Variants in RSPH14 observed in about 807,000 individuals in gnomAD.
The protein encoded by RSPH14 is rhabdoid tumor deletion region gene 1.
A neutral mutation model predicts 26.7 loss-of-function variants in RSPH14; 20 were observed. That is an observed-to-expected ratio of 0.75 (90% CI 0.53 to 1.09). The LOEUF is 1.09. Ranked by LOEUF, RSPH14 falls within the 50% of genes least tolerant of loss-of-function variation. RSPH14 has a pLI of 0.00. For synonymous variants in RSPH14, 177 were observed against 189.3 expected (o/e 0.93, Z 0.53); for missense variants, 449 against 457.2 (o/e 0.98, Z 0.16).
In RSPH14 at chr22:23,079,377, G is replaced by C. The variant is rs541337941; in HGVS notation, c.422-15244C>G. ...TTCTGGACAAAGAGTTTTCCAGGAG[G>C]AAGGAACAGCCAGTGCACAGGCCCT... is the stretch of plus-strand genomic sequence containing the variant. On this transcript the variant is annotated intron_variant, in intron 4 of 6. Coordinates refer to ENST00000216036, the MANE Select transcript of RSPH14 (RefSeq NM_014433.3). 2.8e-4 allele frequency among the ~76,000 whole-genome samples: 43 copies of C among 152,336 alleles called. 1 individual carries two copies. In the South Asian group the frequency reaches 8.5e-3, roughly 30 times the overall value.
chr22:23,169,397 G>A, the RSPH14 span, among the ~76,000 whole-genome samples: 1 of 152,236 alleles, frequency 6.6e-6, no homozygotes, highest in African/African-American at 2.4e-5. Flanking sequence ...GCCCTCCTCT[G>A]GCCTCCAGCC....
intron 4 of RSPH14, chr22:23,123,763 C>CACCGAGATCTA: frequency 1.9e-5 from 6 of 319,336 alleles, no homozygotes; most frequent in Admixed American, 4.4e-5. Flanking sequence ...TGAGTTGGCC[C>CACCGAGATCTA]CACTCCACTT....
chr22:23,159,443 T>C, the RSPH14 span, among the ~76,000 whole-genome samples: 1 of 152,216 alleles, frequency 6.6e-6, no homozygotes, highest in African/African-American at 2.4e-5. Flanking sequence ...AGGAGCTGCG[T>C]CATCTCTAGA....
the RSPH14 span, among the ~76,000 whole-genome samples, chr22:23,176,133 G>A: frequency 6.6e-6 from 1 of 152,236 alleles, no homozygotes; most frequent in African/African-American, 2.4e-5. Flanking sequence ...CCCTCTGCCT[G>A]ATGCCTGCTC....
the RSPH14 span, chr22:23,152,329 AG>A: frequency 1.2e-6 from 1 of 851,112 alleles, no homozygotes; most frequent in Non-Finnish European, 2.0e-6. Flanking sequence ...GTGTCTCAGC[AG>A]GGTGGCCCAT....
chr22:23,098,339 C>G (rs8139779), intron 4 of RSPH14, among the ~76,000 whole-genome samples: 37,223 of 152,258 alleles, frequency 0.24, 4,800 homozygotes, highest in East Asian at 0.35. Flanking sequence ...AGCCCGGCAC[C>G]TGCTTACTCC....
intron 4 of RSPH14, among the ~76,000 whole-genome samples, chr22:23,102,081 G>A (rs1181539328): frequency 6.6e-6 from 1 of 152,222 alleles, no homozygotes; most frequent in Non-Finnish European, 1.5e-5. Context: ...ACCAACACTT[G>A]TGAACAGCCC....
rs758539276 is a variant in RSPH14, at chr22:23,064,092, C to A, written c.463G>T (p.Val155Leu). ...IISKGLISSLVWKLQVEVEEE... is the reference protein window; with the variant it reads ...IISKGLISSLLWKLQVEVEEE... ...TCCACCTCCACCTGCAGCTTCCATA[C>A]CAGTGAGGAAATCAGACCTTTGCTG... The change falls in exon 5 of 7, where the codon GTA becomes TTA. Residue 155 changes from valine (V) to leucine (L), a missense_variant. Coordinates refer to ENST00000216036, the MANE Select transcript of RSPH14 (RefSeq NM_014433.3). The A allele has an allele frequency of 4.3e-6, 7 of 1,614,062 alleles. No individual in the cohort carries two copies. The African/African-American group carries it at 6.7e-5, about 15-fold the overall frequency.
At chr22:23,123,338 C>G (rs891790725) in intron 4 of RSPH14, 3 of 1,614,014 alleles carry the variant, frequency 1.9e-6, no homozygotes, top group Admixed American at 1.7e-5. Flanking sequence ...CCCACTTCAC[C>G]TGCGCCACCG....
chr22:23,166,140 TGTC>T, the RSPH14 span, among the ~76,000 whole-genome samples: 3 of 102,104 alleles, frequency 2.9e-5, no homozygotes, highest in Non-Finnish European at 5.4e-5. Flanking sequence ...AGTGAGACTC[TGTC>T]TTTTAAAAAA....
At chr22:23,149,869 C>T (rs1480527653), upstream of RSPH14, among the ~76,000 whole-genome samples, 3 of 152,226 alleles carry the variant, frequency 2.0e-5, no homozygotes, top group Non-Finnish European at 4.4e-5. Flanking sequence ...CCTCTGGACT[C>T]ACAAGGCCCC....
At chr22:23,076,245 C>A (rs999856684) in intron 4 of RSPH14, among the ~76,000 whole-genome samples, 1 of 152,350 alleles carries the variant, frequency 6.6e-6, no homozygotes, top group East Asian at 1.9e-4. Context: ...GCGTGACCTG[C>A]TCCCTATTTG....
In RSPH14 at chr22:23,134,108, C is replaced by G. The variant is rs2070416960; in HGVS notation, c.339G>C (p.Leu113=). ...AFLEHDIVLA[L]SFLLNDPSPV... ...GGCTGGGGTCATTCAGCAGGAAGGA[C>G]AGGGCAAGGACGATGTCGTGCTCTA... Residue 113 remains leucine, a synonymous_variant, in exon 4 of 7, where the codon CTG becomes CTC. Coordinates refer to ENST00000216036, the MANE Select transcript of RSPH14 (RefSeq NM_014433.3). 2 of 1,613,322 alleles carry G rather than the reference C, an allele frequency of 1.2e-6. No individual in the cohort carries two copies. Among genetic ancestry groups the G allele is most frequent in the Non-Finnish European group, 1.7e-6 (2 of 1,179,484 alleles).
At chr22:23,110,661 C>T (rs1483773662) in intron 4 of RSPH14, among the ~76,000 whole-genome samples, 1 of 152,258 alleles carries the variant, frequency 6.6e-6, no homozygotes, top group African/African-American at 2.4e-5. Flanking sequence ...TCAGCAGCTT[C>T]ACCTGCCACT....
chr22:23,167,883 C>T, the RSPH14 span, among the ~76,000 whole-genome samples: 1 of 151,936 alleles, frequency 6.6e-6, no homozygotes, highest in Non-Finnish European at 1.5e-5. Context: ...GATGGGGTCT[C>T]GCATTGTTAC....
chr22:23,069,672 G>C (rs1034169920), intron 4 of RSPH14, among the ~76,000 whole-genome samples: 1 of 152,158 alleles, frequency 6.6e-6, no homozygotes, highest in Non-Finnish European at 1.5e-5. Flanking sequence ...TGCCAGGATT[G>C]CCAGGGACGC....
upstream of RSPH14, among the ~76,000 whole-genome samples, chr22:23,146,279 G>A (rs2070764901): frequency 6.6e-6 from 1 of 152,170 alleles, no homozygotes. Context: ...CACCTTCACG[G>A]TTCACTGCAC....
At chr22:23,062,958 A>G (rs2068124874) in intron 5 of RSPH14, among the ~76,000 whole-genome samples, 1 of 152,234 alleles carries the variant, frequency 6.6e-6, no homozygotes, top group South Asian at 2.1e-4. Flanking sequence ...AGGGCAGCAA[A>G]CAGAGGAAAG....
chr22:23,132,023 T>A (rs186372613), intron 4 of RSPH14, among the ~76,000 whole-genome samples: 1 of 152,288 alleles, frequency 6.6e-6, no homozygotes, highest in East Asian at 1.9e-4. Context: ...CCGTAGTCAT[T>A]TCTCTCTGAG....
Sources: allele counts gnomAD v4.1 joint callset (sites outside exome capture counted in the v4.1 genomes callset), GRCh38; gene constraint gnomAD v4.1.1; transcripts MANE v1.5; gene names NCBI Gene and HGNC (gene_info 2026-07-23, HGNC 2026-07-21).